The following ST3GAL3 variants were observed in gnomAD, a reference collection of about 807,000 sequenced individuals.
ST3GAL3 encodes the protein CMP-N-acetylneuraminate-beta-1,4-galactoside alpha-2,3-sialyltransferase.
Under a neutral mutation model 50.1 loss-of-function variants are expected in ST3GAL3, and 21 were observed. The ratio of observed to expected loss-of-function variants is 0.42; its 90% CI spans 0.30 to 0.60. The LOEUF is 0.60. ST3GAL3 is among the 20% of genes least tolerant of loss of function. The probability of loss-of-function intolerance (pLI) is 0.19; values close to 1 mark genes in which losing one functional copy is unlikely to be tolerated. For synonymous variants in ST3GAL3, 183 were observed against 190.0 expected, an observed-to-expected ratio of 0.96 and a Z score of 0.30; for missense variants, 353 against 489.4, an observed-to-expected ratio of 0.72 and a Z score of 2.63.
At chr1:43,851,507 G>A (rs2067296543) in intron 5 of ST3GAL3, 2 of 1,598,540 alleles carry the variant, frequency 1.3e-6, no homozygotes, top group East Asian at 4.5e-5. Context: ...TCTGGCCCGG[G>A]TACCCCTCAG....
chr1:43,791,260 T>C (rs1421701083), intron 2 of ST3GAL3, among the ~76,000 whole-genome samples: 2 of 152,248 alleles, frequency 1.3e-5, no homozygotes, highest in Non-Finnish European at 2.9e-5. Context: ...CAGTTTCTAG[T>C]TAAATAGTTT....
At chr1:43,915,743 G>A (rs2081672458) in intron 9 of ST3GAL3, among the ~76,000 whole-genome samples, 1 of 152,174 alleles carries the variant, frequency 6.6e-6, no homozygotes, top group South Asian at 2.1e-4. Context: ...AGAGACAGAT[G>A]GGTTACTGGC....
chr1:43,815,889 G>T (rs915087483), intron 4 of ST3GAL3, among the ~76,000 whole-genome samples: 3 of 151,060 alleles, frequency 2.0e-5, no homozygotes, highest in Non-Finnish European at 2.9e-5. Context: ...TTGGTTGGAT[G>T]GATGGATGGA....
intron 2 of ST3GAL3, among the ~76,000 whole-genome samples, chr1:43,749,402 T>C (rs540889286): frequency 6.6e-6 from 1 of 152,100 alleles, no homozygotes; most frequent in Non-Finnish European, 1.5e-5. Context: ...ACAAGATACA[T>C]TGGGCAAAGG....
intron 5 of ST3GAL3, chr1:43,851,472 G>A: frequency 6.2e-7 from 1 of 1,600,846 alleles, no homozygotes; most frequent in Middle Eastern, 1.7e-4. Context: ...CAGCTCATGA[G>A]TAAAGTCAGT....
intron 9 of ST3GAL3, among the ~76,000 whole-genome samples, chr1:43,903,820 A>G (rs1486921857): frequency 6.6e-6 from 1 of 152,194 alleles, no homozygotes; most frequent in Non-Finnish European, 1.5e-5. Flanking sequence ...TTAGACTCTC[A>G]CTTATTAGTG....
At chr1:43,780,137 T>C (rs1342641966) in intron 2 of ST3GAL3, among the ~76,000 whole-genome samples, 1 of 152,218 alleles carries the variant, frequency 6.6e-6, no homozygotes, top group East Asian at 1.9e-4. Flanking sequence ...AGGTAATTTT[T>C]TGAGAACATA....
Position 43,816,230 on chromosome 1 carries a change from A to G in ST3GAL3, c.209+1297A>G, listed in dbSNP as rs939303462. Among the ~76,000 whole-genome samples the G allele has an allele frequency of 5.9e-5, 9 of 152,170 alleles. No individual in the cohort carries two copies. The East Asian group carries it at 7.7e-4, about 13-fold the overall frequency. ...GACTCTGATGACGATGGCCACACCT[A>G]CGTACAAGACATCAAACCAGGGGCT... On this transcript the variant is annotated intron_variant, in intron 4 of 11. Transcript: ENST00000347631.
intron 5 of ST3GAL3, among the ~76,000 whole-genome samples, chr1:43,887,715 A>G (rs1337765147): frequency 1.3e-5 from 2 of 152,190 alleles, no homozygotes; most frequent in Non-Finnish European, 2.9e-5. Context: ...TGAATATGGC[A>G]GAGTTGGTAG....
chr1:43,746,587 C>T lies in ST3GAL3; in HGVS notation c.118+10207C>T, dbSNP rs191536721. Among the ~76,000 whole-genome samples, 851 of 151,480 alleles carry T rather than the reference C, an allele frequency of 5.6e-3. 7 individuals are homozygous for T. The highest frequency in any genetic ancestry group is 9.0e-3 in the Non-Finnish European group (608 of 67,892). Reference sequence around the variant, plus strand: ...ATGCCATTCTCCTGCCTCAGCCTCCCGAGTAGCTGAGACTACAGGAGCCCG... The same window carrying T: ...ATGCCATTCTCCTGCCTCAGCCTCCTGAGTAGCTGAGACTACAGGAGCCCG... On this transcript the variant is annotated intron_variant, in intron 2 of 11. Transcript: ENST00000347631.
chr1:43,819,862 C>T (rs538180761), intron 4 of ST3GAL3, among the ~76,000 whole-genome samples: 4 of 152,136 alleles, frequency 2.6e-5, no homozygotes, highest in Non-Finnish European at 4.4e-5. Context: ...TAAGTGAGAA[C>T]ATGTGATATT....
At chr1:43,743,722 A>G in intron 2 of ST3GAL3, 1 of 216,984 alleles carries the variant, frequency 4.6e-6, no homozygotes, top group Non-Finnish European at 9.3e-6. Flanking sequence ...CTACAAAGGA[A>G]CCTGCTACTT....
intron 9 of ST3GAL3, among the ~76,000 whole-genome samples, chr1:43,918,045 CTT>C (rs1165446991): frequency 6.7e-6 from 1 of 149,886 alleles, no homozygotes; most frequent in African/African-American, 2.5e-5. Context: ...CAAAACATGT[CTT>C]TTTATTTCTT....
At chr1:43,808,077 G>T (rs2060107667) in intron 3 of ST3GAL3, among the ~76,000 whole-genome samples, 1 of 152,152 alleles carries the variant, frequency 6.6e-6, no homozygotes, top group Admixed American at 6.5e-5. Flanking sequence ...GCCAAGGCAG[G>T]TGGATCATGA....
intron 2 of ST3GAL3, among the ~76,000 whole-genome samples, chr1:43,745,601 T>A (rs1488020352): frequency 1.3e-5 from 2 of 152,188 alleles, no homozygotes; most frequent in African/African-American, 4.8e-5. Context: ...AATATCATAT[T>A]TTTACTGTAG....
intron 4 of ST3GAL3, among the ~76,000 whole-genome samples, chr1:43,819,862 CAT>C (rs2061865316): frequency 6.6e-6 from 1 of 152,136 alleles, no homozygotes; most frequent in Admixed American, 6.5e-5. Flanking sequence ...TAAGTGAGAA[CAT>C]GTGATATTTC....
intron 5 of ST3GAL3, among the ~76,000 whole-genome samples, chr1:43,880,421 CG>C (rs2074907365): frequency 6.6e-6 from 1 of 152,166 alleles, no homozygotes; most frequent in South Asian, 2.1e-4. Flanking sequence ...TCCCTTTCCA[CG>C]GAAAAGATAT....
chr1:43,827,351 A>G (rs1032999568), intron 4 of ST3GAL3, among the ~76,000 whole-genome samples: 4 of 152,364 alleles, frequency 2.6e-5, no homozygotes, highest in East Asian at 1.9e-4. Flanking sequence ...AAAAAAAGGG[A>G]AATACTTAGG....
At chr1:43,736,026 A>G (rs1367140391) in intron 1 of ST3GAL3, among the ~76,000 whole-genome samples, 1 of 152,184 alleles carries the variant, frequency 6.6e-6, no homozygotes. Flanking sequence ...GGAAGCAAAG[A>G]TGATTGCTGC....
Sources: gnomAD v4.1 joint callset for allele counts (sites outside exome capture counted in the v4.1 genomes callset) on GRCh38, gnomAD v4.1.1 for gene constraint, MANE v1.5 for transcripts, NCBI Gene and HGNC (gene_info 2026-07-23, HGNC 2026-07-21) for gene names.